The following SLC14A2 variants were observed in gnomAD, a reference collection of about 807,000 sequenced individuals.
SLC14A2 encodes the protein urea transporter 2.
SLC14A2 carries 91 observed loss-of-function variants against 104.6 expected under a neutral mutation model. The observed-to-expected ratio is 0.87, with a 90% confidence interval of 0.73 to 1.04. The LOEUF (loss-of-function observed/expected upper bound fraction) is 1.04. SLC14A2 is among the 50% of genes least tolerant of loss of function. The probability of loss-of-function intolerance (pLI) is 0.00; values close to 1 mark genes in which losing one functional copy is unlikely to be tolerated. For synonymous variants in SLC14A2, 476 were observed against 466.4 expected (o/e 1.02, Z -0.27); for missense variants, 1,189 against 1,156.0 (o/e 1.03, Z -0.41).
chr18:45,557,416 G>A (rs778643565), intron 2 of SLC14A2, among the ~76,000 whole-genome samples: 1 of 152,220 alleles, frequency 6.6e-6, no homozygotes, highest in Non-Finnish European at 1.5e-5. Flanking sequence ...ATGTGTGTAA[G>A]TTGCATTTAT....
chr18:45,384,207 A>G (rs1481685539), intron 1 of SLC14A2, among the ~76,000 whole-genome samples: 1 of 152,114 alleles, frequency 6.6e-6, no homozygotes, highest in African/African-American at 2.4e-5. Context: ...CACTGCATTA[A>G]AAGGAGGAGT....
chr18:45,576,243 G>A (rs2044416713), intron 2 of SLC14A2, among the ~76,000 whole-genome samples: 1 of 140,982 alleles, frequency 7.1e-6, no homozygotes, highest in Admixed American at 7.1e-5. Flanking sequence ...CAGTCTGGGT[G>A]TTTGGAGAGA....
Position 45,624,845 on chromosome 18 carries a change from G to A in SLC14A2, c.150+31G>A, listed in dbSNP as rs1235380371. The A allele has an allele frequency of 1.9e-6, 3 of 1,571,412 alleles. No homozygotes were observed. In the African/African-American group the frequency reaches 4.1e-5, roughly 21 times the overall value. On this transcript the variant is annotated intron_variant, in intron 2 of 19. Coordinates refer to ENST00000255226, the MANE Select transcript of SLC14A2 (RefSeq NM_007163.4). ...AAGTGTCCCTCCTAGGATGTTTCCT[G>A]GGAGGGAGGGGATGGGAAAAGTGGG...
intron 2 of SLC14A2, among the ~76,000 whole-genome samples, chr18:45,530,918 C>T (rs2043674956): frequency 6.6e-6 from 1 of 151,994 alleles, no homozygotes; most frequent in African/African-American, 2.4e-5. Flanking sequence ...TCTCATTGTT[C>T]AGTTCCCACC....
At chr18:45,480,930 A>T (rs2087480023) in intron 1 of SLC14A2, among the ~76,000 whole-genome samples, 1 of 150,526 alleles carries the variant, frequency 6.6e-6, no homozygotes, top group Non-Finnish European at 1.5e-5. Flanking sequence ...CAGTTTTTAA[A>T]ATATATATAT....
intron 10 of SLC14A2, among the ~76,000 whole-genome samples, chr18:45,662,540 G>C (rs917119600): frequency 6.6e-6 from 1 of 152,130 alleles, no homozygotes; most frequent in Non-Finnish European, 1.5e-5. Flanking sequence ...TTCCAAGCAA[G>C]CTCCCTGGTC....
intron 1 of SLC14A2, among the ~76,000 whole-genome samples, chr18:45,427,978 C>T (rs1287202029): frequency 6.6e-6 from 1 of 152,188 alleles, no homozygotes; most frequent in East Asian, 1.9e-4. Flanking sequence ...AAACAATAGG[C>T]ATGAAAGAGC....
intron 2 of SLC14A2, among the ~76,000 whole-genome samples, chr18:45,604,530 C>T (rs530891102): frequency 3.9e-5 from 6 of 152,222 alleles, no homozygotes; most frequent in African/African-American, 1.4e-4. Context: ...CAGTAACAAA[C>T]AGGTCCACAT....
chr18:45,219,918 C>G (rs544607591), intron 1 of SLC14A2, among the ~76,000 whole-genome samples: 1 of 152,154 alleles, frequency 6.6e-6, no homozygotes, highest in Non-Finnish European at 1.5e-5. Context: ...TGTAAATAGA[C>G]CACGAAGTTA....
intron 1 of SLC14A2, among the ~76,000 whole-genome samples, chr18:45,248,310 G>A (rs1051769076): frequency 6.6e-6 from 1 of 152,096 alleles, no homozygotes; most frequent in African/African-American, 2.4e-5. Context: ...AATACCGGAT[G>A]CTTTGATTTG....
chr18:45,250,105 C>T (rs1157258452), intron 1 of SLC14A2, among the ~76,000 whole-genome samples: 3 of 152,160 alleles, frequency 2.0e-5, no homozygotes, highest in African/African-American at 7.2e-5. Flanking sequence ...TGGAAACTCA[C>T]ACATGTGATA....
intron 1 of SLC14A2, among the ~76,000 whole-genome samples, chr18:45,385,621 A>T (rs1416307353): frequency 1.3e-5 from 2 of 152,210 alleles, no homozygotes; most frequent in Non-Finnish European, 2.9e-5. Context: ...CCATTATAGT[A>T]CATGGTTGCC....
intron 1 of SLC14A2, among the ~76,000 whole-genome samples, chr18:45,264,483 G>T (rs1028413167): frequency 1.3e-5 from 2 of 151,630 alleles, no homozygotes; most frequent in Admixed American, 1.3e-4. Flanking sequence ...GTATTAGTCC[G>T]TTTTTTTTGC....
chr18:45,202,891 T>A, the SLC14A2 span, among the ~76,000 whole-genome samples: 1 of 152,148 alleles, frequency 6.6e-6, no homozygotes, highest in African/African-American at 2.4e-5. Context: ...TTTGTAAAAA[T>A]TTAACCTCTC....
the SLC14A2 span, among the ~76,000 whole-genome samples, chr18:45,195,031 T>C: frequency 6.6e-6 from 1 of 152,206 alleles, no homozygotes; most frequent in Non-Finnish European, 1.5e-5. Context: ...AGAAACTTCT[T>C]TCACCGCACT....
chr18:45,663,981 C>T (rs2045973128), intron 11 of SLC14A2, 74 bp downstream of exon 11: 1 of 1,457,896 alleles, frequency 6.9e-7, no homozygotes, highest in African/African-American at 1.4e-5. Context: ...AATGGCAATA[C>T]CTACTTCACA....
chr18:45,460,318 C>T (rs1351973999), intron 1 of SLC14A2, among the ~76,000 whole-genome samples: 1 of 152,150 alleles, frequency 6.6e-6, no homozygotes, highest in Admixed American at 6.5e-5. Context: ...ATCTACCCAC[C>T]ACCACCTCCA....
At chr18:45,640,244 C>T (rs1170586092) in intron 7 of SLC14A2, among the ~76,000 whole-genome samples, 1 of 151,606 alleles carries the variant, frequency 6.6e-6, no homozygotes, top group Admixed American at 6.6e-5. Context: ...CCACCTCACT[C>T]CAGCCTGGGA....
chr18:45,276,349 G>A lies in SLC14A2; in HGVS notation c.-125+63158G>A, dbSNP rs2084702755. On this transcript the variant is annotated intron_variant, in intron 1 of 20. Coordinates refer to the SLC14A2 transcript ENST00000586448. ...TGCCTGGTTACTATAACAGAGGTGT[G>A]TACAAAGTGTAAAGGGGACATAGAA... Among the ~76,000 whole-genome samples the A allele has an allele frequency of 2.6e-5, 4 of 152,234 alleles. No homozygotes were observed. In the South Asian group the frequency reaches 8.3e-4, roughly 31 times the overall value.
Sources: gnomAD v4.1 joint callset for allele counts (sites outside exome capture counted in the v4.1 genomes callset) on GRCh38, gnomAD v4.1.1 for gene constraint, MANE v1.5 for transcripts, NCBI Gene and HGNC (gene_info 2026-07-23, HGNC 2026-07-21) for gene names.